Variants in SCAMP2 observed in about 807,000 individuals in gnomAD.
SCAMP2 encodes secretory carrier membrane protein 2.
A neutral mutation model predicts 44.1 loss-of-function variants in SCAMP2; 25 were observed. That is an observed-to-expected ratio of 0.57 (90% confidence interval 0.41 to 0.79). SCAMP2 has a LOEUF of 0.79. Among genes scored for constraint, SCAMP2 ranks in the 30% least tolerant of loss-of-function variants. The pLI is 0.00. For synonymous variants in SCAMP2, 156 were observed against 166.0 expected (o/e 0.94, Z 0.46); for missense variants, 355 against 411.0 (o/e 0.86, Z 1.18).
intron 6 of SCAMP2, among the ~76,000 whole-genome samples, chr15:74,849,380 G>A (rs1371576479): frequency 3.3e-5 from 5 of 151,692 alleles, no homozygotes; most frequent in Non-Finnish European, 7.4e-5. Context: ...CCTGGGAGGC[G>A]GAGGTTGCAG....
chr15:74,869,619 T>G (rs969519961), intron 1 of SCAMP2, among the ~76,000 whole-genome samples: 1 of 152,224 alleles, frequency 6.6e-6, no homozygotes, highest in African/African-American at 2.4e-5. Context: ...CTGATGACTC[T>G]GGCACATACC....
rs192927256 is a variant in SCAMP2 at position 74,852,571 on chromosome 15, C to A, written c.226-385G>T. On this transcript the variant is annotated intron_variant, in intron 3 of 8. Coordinates refer to ENST00000268099, the MANE Select transcript of SCAMP2 (RefSeq NM_005697.5). ...AAACTATAATAAGAAACCCACAGAC[C>A]CAAGCCTCATTTGAAGAGCCTGGTG... 2.3e-3 allele frequency: 378 copies of A among 162,808 alleles called. 11 individuals carry two copies. Among genetic ancestry groups the A allele is most frequent in the Non-Finnish European group, 2.1e-4 (16 of 75,390 alleles). The allele number at this position is 162,808 out of a possible 1,614,324, so 10.1% of individuals were successfully genotyped here.
chr15:74,856,419 C>T (rs530346719), intron 1 of SCAMP2, among the ~76,000 whole-genome samples: 4 of 151,334 alleles, frequency 2.6e-5, no homozygotes, highest in East Asian at 1.9e-4. Context: ...GGATTACAGG[C>T]GCCTGCCACC....
chr15:74,844,063 T>C lies in SCAMP2; in HGVS notation c.*1020A>G, dbSNP rs1257077335. On this transcript the variant is annotated 3_prime_UTR_variant, in exon 9 of 9. Transcript: ENST00000268099. ...TTAGGGGGCCCTCCGAGAGATGGCT[T>C]ATCAGTCCCTGCTGAGGGATGCGGT... 1 of 152,254 alleles carries C rather than the reference T, an allele frequency of 6.6e-6. No individual in the cohort carries two copies. The allele number at this position is 152,254 out of a possible 1,614,324, so 9.4% of individuals were successfully genotyped here. A position where few individuals can be genotyped will look rare whatever the true frequency, so the allele number is the denominator to read the frequency against.
At chr15:74,845,257 G>A (rs959312458) in intron 8 of SCAMP2, 40 bp from the exon 9 acceptor site, 1 of 1,603,430 alleles carries the variant, frequency 6.2e-7, no homozygotes, top group Non-Finnish European at 8.5e-7. Flanking sequence ...CTGTCCTTTG[G>A]GCCCACCAGG....
At chr15:74,848,873 T>C (rs1258503464) in intron 6 of SCAMP2, among the ~76,000 whole-genome samples, 172 bp from the exon 7 acceptor site, 1 of 151,984 alleles carries the variant, frequency 6.6e-6, no homozygotes, top group Non-Finnish European at 1.5e-5. Context: ...CCCCCCACCA[T>C]AATCAAGAAG....
At chr15:74,865,183 C>G (rs1326691109) in intron 1 of SCAMP2, among the ~76,000 whole-genome samples, 1 of 148,916 alleles carries the variant, frequency 6.7e-6, no homozygotes, top group Admixed American at 6.7e-5. Context: ...GAGTTTGAGA[C>G]TAGCCTGGCC....
chr15:74,851,671 A>T (rs2064436335), intron 4 of SCAMP2, among the ~76,000 whole-genome samples, 190 bp from the exon 5 acceptor site: 1 of 152,212 alleles, frequency 6.6e-6, no homozygotes, highest in Non-Finnish European at 1.5e-5. Context: ...GATACCAACA[A>T]GCTCACATGG....
intron 1 of SCAMP2, among the ~76,000 whole-genome samples, chr15:74,862,832 A>C (rs201789846): frequency 1.6e-3 from 224 of 142,670 alleles, no homozygotes; most frequent in East Asian, 0.01. Context: ...AAAAAAAAAA[A>C]AAAAAACAAA....
rs188931617 is a variant in SCAMP2, at chr15:74,844,928, C to T, written c.*155G>A. Reference sequence around the variant, plus strand: ...AAAAAATTCCCTGTCCCTCCCGTTCCAGGGAGAGCTGGTCGCTGAGGGAGG... The same window carrying T: ...AAAAAATTCCCTGTCCCTCCCGTTCTAGGGAGAGCTGGTCGCTGAGGGAGG... On this transcript the variant is annotated 3_prime_UTR_variant, in exon 9 of 9. Coordinates refer to ENST00000268099, the MANE Select transcript of SCAMP2 (RefSeq NM_005697.5). 12 of 809,116 alleles carry T rather than the reference C, an allele frequency of 1.5e-5. No homozygotes were observed. The Admixed American group carries it at 2.1e-4, about 14-fold the overall frequency. The allele number at this position is 809,116 out of a possible 1,614,324, so 50.1% of individuals were successfully genotyped here. A position where few individuals can be genotyped will look rare whatever the true frequency, so the allele number is the denominator to read the frequency against.
chr15:74,860,685 T>TTAA (rs1163350924), intron 1 of SCAMP2, among the ~76,000 whole-genome samples: 1 of 89,532 alleles, frequency 1.1e-5, no homozygotes, highest in Non-Finnish European at 2.1e-5. Context: ...AGACTCCATT[T>TTAA]AAAAAAAAAA....
intron 1 of SCAMP2, among the ~76,000 whole-genome samples, chr15:74,864,343 G>A (rs779160352): frequency 2.6e-5 from 4 of 152,174 alleles, no homozygotes; most frequent in African/African-American, 9.7e-5. Flanking sequence ...TTACAGGCTT[G>A]AGCCACCGCA....
intron 1 of SCAMP2, among the ~76,000 whole-genome samples, chr15:74,871,120 A>G (rs967660421): frequency 6.6e-6 from 1 of 152,184 alleles, no homozygotes; most frequent in Non-Finnish European, 1.5e-5. Context: ...GTGGAAAAAG[A>G]TCATCCCTGT....
At chr15:74,872,693 T>C (rs1156392263) in intron 1 of SCAMP2, among the ~76,000 whole-genome samples, 1 of 152,158 alleles carries the variant, frequency 6.6e-6, no homozygotes, top group Non-Finnish European at 1.5e-5. Context: ...TCTCAGGGGC[T>C]CTCCTGTACT....
intron 3 of SCAMP2, chr15:74,853,194 T>G: frequency 3.0e-6 from 1 of 331,348 alleles, no homozygotes; most frequent in South Asian, 2.2e-5. Flanking sequence ...CCTCCAAGTC[T>G]GTGACGCCAG....
chr15:74,862,671 G>T lies in SCAMP2; in HGVS notation c.58-8022C>A, dbSNP rs544533861. Among the ~76,000 whole-genome samples the T allele has an allele frequency of 1.3e-4, 20 of 151,438 alleles. 1 individual carries two copies. The East Asian group carries it at 3.9e-3, about 29-fold the overall frequency. On this transcript the variant is annotated intron_variant, in intron 1 of 8. Transcript: ENST00000268099. ...TCCAAATTTTCTATAATATGGTCAT[G>T]TTATTTTGATTTTAAAAACACATAT...
intron 1 of SCAMP2, among the ~76,000 whole-genome samples, chr15:74,857,379 C>T (rs772590786): frequency 5.3e-5 from 8 of 152,256 alleles, no homozygotes; most frequent in Non-Finnish European, 1.0e-4. Flanking sequence ...CAGTGGTTTA[C>T]TACCAGAATC....
At chr15:74,853,903 G>A in intron 3 of SCAMP2, 118 bp downstream of exon 3, 1 of 853,172 alleles carries the variant, frequency 1.2e-6, no homozygotes, top group Admixed American at 2.4e-5. Context: ...TTAGCAAGAG[G>A]GCCCTTAGGG....
chr15:74,854,162 T>A, intron 2 of SCAMP2, 43 bp from the exon 3 acceptor site: 2 of 1,568,144 alleles, frequency 1.3e-6, no homozygotes, highest in Non-Finnish European at 8.8e-7. Flanking sequence ...TGGGACTCCA[T>A]TAGCTGGTGA....
Sources: allele counts gnomAD v4.1 joint callset (sites outside exome capture counted in the v4.1 genomes callset), GRCh38; gene constraint gnomAD v4.1.1; transcripts MANE v1.5; gene names NCBI Gene and HGNC (gene_info 2026-07-23, HGNC 2026-07-21).